NEDD4: variants seen among roughly 807,000 people sequenced by gnomAD.
NEDD4 encodes the protein E3 ubiquitin-protein ligase NEDD4.
A neutral mutation model predicts 144.9 loss-of-function variants in NEDD4; 99 were observed. The ratio of observed to expected loss-of-function variants is 0.68; its 90% CI spans 0.58 to 0.81. The LOEUF (loss-of-function observed/expected upper bound fraction) is 0.81. NEDD4 is among the 30% of genes least tolerant of loss of function. The pLI is 0.00. For synonymous variants in NEDD4, 318 were observed against 350.6 expected (o/e 0.91, Z 1.04); for missense variants, 985 against 1,065.9 (o/e 0.92, Z 1.06).
intron 4 of NEDD4, among the ~76,000 whole-genome samples, chr15:55,927,200 G>A (rs2036690998): frequency 6.6e-6 from 1 of 152,008 alleles, no homozygotes; most frequent in African/African-American, 2.4e-5. Context: ...TGAAAGTTGG[G>A]AAGAATTTAA....
At chr15:55,856,459 T>C (rs2034199810) in intron 11 of NEDD4, among the ~76,000 whole-genome samples, 1 of 152,202 alleles carries the variant, frequency 6.6e-6, no homozygotes, top group Admixed American at 6.5e-5. Context: ...CATTCTCAAA[T>C]ACACTCCCTC....
chr15:55,909,948 T>TA (rs2036217262), intron 5 of NEDD4, among the ~76,000 whole-genome samples: 1 of 152,226 alleles, frequency 6.6e-6, no homozygotes, highest in African/African-American at 2.4e-5. Context: ...TGAATATTCA[T>TA]AAGCGATTTC....
intron 18 of NEDD4, among the ~76,000 whole-genome samples, chr15:55,842,854 A>G (rs1333800721): frequency 2.6e-5 from 4 of 152,054 alleles, no homozygotes; most frequent in Non-Finnish European, 4.4e-5. Context: ...CCTGGAGTCT[A>G]TCTTGCTTCA....
chr15:55,940,988 C>A (rs1174341765), intron 4 of NEDD4, among the ~76,000 whole-genome samples: 1 of 151,934 alleles, frequency 6.6e-6, no homozygotes, highest in African/African-American at 2.4e-5. Flanking sequence ...TATATTTTGG[C>A]TTATAAGAAT....
chr15:55,840,317 G>GAA (rs1215391699), intron 21 of NEDD4, 130 bp downstream of exon 21: 1 of 850,852 alleles, frequency 1.2e-6, no homozygotes, highest in Non-Finnish European at 1.7e-6. Context: ...AAATGTTGAG[G>GAA]AAAAAGTTCA....
intron 1 of NEDD4, among the ~76,000 whole-genome samples, chr15:55,968,806 G>T (rs1324834261): frequency 3.3e-5 from 5 of 152,108 alleles, no homozygotes; most frequent in African/African-American, 1.2e-4. Flanking sequence ...ATGTACACAA[G>T]GACTTAAGTA....
At chr15:55,963,210 G>A (rs548139435) in intron 2 of NEDD4, among the ~76,000 whole-genome samples, 1 of 148,058 alleles carries the variant, frequency 6.8e-6, no homozygotes, top group Admixed American at 6.9e-5. Context: ...TGGCTCATTG[G>A]AGCCTTGACC....
chr15:55,970,416 A>T (rs1354308348), intron 1 of NEDD4, among the ~76,000 whole-genome samples: 1 of 152,134 alleles, frequency 6.6e-6, no homozygotes, highest in African/African-American at 2.4e-5. Flanking sequence ...GTCTTAAATA[A>T]ACACAAGTGG....
chr15:55,927,314 G>T (rs1310905733), intron 4 of NEDD4, among the ~76,000 whole-genome samples: 2 of 151,818 alleles, frequency 1.3e-5, no homozygotes, highest in Non-Finnish European at 2.9e-5. Flanking sequence ...AAGACGACAA[G>T]ATTCTTTTTT....
In NEDD4 at chr15:55,862,992, C is replaced by T. The variant is rs1224086896; in HGVS notation, c.595G>A (p.Glu199Lys). Reference sequence around the variant, plus strand: ...GTCCTTCCAAGGATATCCTGCCTCTCTTCCCACCCTGGAGGTAGAGGAGAA... The same window carrying T: ...GTCCTTCCAAGGATATCCTGCCTCTTTTCCCACCCTGGAGGTAGAGGAGAA... ...EPSPLPPGWE[E>K]RQDILGRTYY... The change falls in exon 9 of 29, where the codon GAG becomes AAG. Residue 199 changes from glutamate to lysine, a missense_variant. Coordinates refer to ENST00000435532, the MANE Select transcript of NEDD4 (RefSeq NM_006154.4). The T allele has an allele frequency of 6.2e-7, 1 of 1,607,520 alleles. No individual in the cohort carries two copies. Among genetic ancestry groups the T allele is most frequent in the South Asian group, 1.1e-5 (1 of 90,290 alleles).
intron 5 of NEDD4, among the ~76,000 whole-genome samples, chr15:55,882,466 G>C (rs1187640388): frequency 6.6e-6 from 1 of 152,200 alleles, no homozygotes; most frequent in Non-Finnish European, 1.5e-5. Context: ...CCATGAAGGT[G>C]GCATTTAGAT....
chr15:55,863,854 C>A (rs1197778865), intron 8 of NEDD4, among the ~76,000 whole-genome samples: 2 of 152,110 alleles, frequency 1.3e-5, no homozygotes, highest in East Asian at 1.9e-4. Flanking sequence ...TACAAAGGGG[C>A]AAGATGGGGA....
Position 55,943,502 on chromosome 15 carries a change from C to G in NEDD4, c.237+7874G>C, listed in dbSNP as rs555924565. ...TGGGTAAAAGGGCCCAGATATGTCT[C>G]AGGCCGCTGCTCTAGAAGGTTCAAA... On this transcript the variant is annotated intron_variant, in intron 4 of 28. Transcript: ENST00000435532. Among the ~76,000 whole-genome samples the G allele has an allele frequency of 1.3e-4, 20 of 152,336 alleles. 1 individual carries two copies. The South Asian group carries it at 2.7e-3, about 21-fold the overall frequency.
In NEDD4 at chr15:55,827,908, A is replaced by C. The variant is rs879129690; in HGVS notation, c.*1989T>G. ...TTTACAAAGTACTTTTTGCTTTCTC[A>C]TCTGTCTGGAACTTCTGACAATCTG... On this transcript the variant is annotated 3_prime_UTR_variant, in exon 29 of 29. Transcript: ENST00000435532. The C allele has an allele frequency of 6.6e-6, 1 of 152,116 alleles. No homozygotes were observed. The highest frequency in any genetic ancestry group is 2.1e-4 in the South Asian group (1 of 4,828). The allele number at this position is 152,116 out of a possible 1,614,324, so 9.4% of individuals were successfully genotyped here.
rs551937449 is a variant in NEDD4 at position 55,938,839 on chromosome 15, C to T, written c.237+12537G>A. ...TAAAATAAACTCCCAGGCACAGTGG[C>T]TCATGCCTGTGATCTCAGCACTTTG... is the stretch of plus-strand genomic sequence containing the variant. On this transcript the variant is annotated intron_variant, in intron 4 of 28. Transcript: ENST00000435532. Among the ~76,000 whole-genome samples, 240 of 152,008 alleles carry T rather than the reference C, an allele frequency of 1.6e-3. 3 individuals are homozygous for T. The South Asian group carries it at 0.023, about 15-fold the overall frequency.
At chr15:55,894,375 T>C (rs1264390410) in intron 5 of NEDD4, among the ~76,000 whole-genome samples, 1 of 152,192 alleles carries the variant, frequency 6.6e-6, no homozygotes, top group Admixed American at 6.5e-5. Flanking sequence ...GTAGGTTACA[T>C]GCAAATTTTA....
intron 2 of NEDD4, among the ~76,000 whole-genome samples, chr15:55,956,859 T>A (rs1273246721): frequency 6.6e-6 from 1 of 152,190 alleles, no homozygotes; most frequent in Non-Finnish European, 1.5e-5. Flanking sequence ...AGATTTTTAT[T>A]GGGATTGTGC....
At chr15:55,959,114 A>T (rs62045212) in intron 2 of NEDD4, among the ~76,000 whole-genome samples, 12,514 of 151,550 alleles carry the variant, frequency 0.083, 600 homozygotes, top group Admixed American at 0.12. Context: ...AACTCAAAAC[A>T]TTCATTTATA....
At chr15:55,892,785 T>C (rs2035614791) in intron 5 of NEDD4, among the ~76,000 whole-genome samples, 1 of 152,164 alleles carries the variant, frequency 6.6e-6, no homozygotes, top group African/African-American at 2.4e-5. Flanking sequence ...ACATTATCTT[T>C]CATACTTTGT....
Sources: gnomAD v4.1 joint callset for allele counts (sites outside exome capture counted in the v4.1 genomes callset) on GRCh38, gnomAD v4.1.1 for gene constraint, MANE v1.5 for transcripts, NCBI Gene and HGNC (gene_info 2026-07-23, HGNC 2026-07-21) for gene names.